Variants in CUL2 observed in about 807,000 individuals in gnomAD.
CUL2 encodes the protein cullin-2.
Under a neutral mutation model 110.2 loss-of-function variants are expected in CUL2, and 22 were observed. The observed-to-expected ratio is 0.20, with a 90% CI of 0.14 to 0.28. The LOEUF (loss-of-function observed/expected upper bound fraction) is 0.28, where lower values mean the gene tolerates loss of function less well. Among genes scored for constraint, CUL2 ranks in the 10% least tolerant of loss-of-function variants. The pLI is 1.00. For missense variants in CUL2, 631 were observed against 905.5 expected (o/e 0.70, Z 3.89); for synonymous variants, 279 against 293.2 (o/e 0.95, Z 0.49).
chr10:35,112,267 T>C (rs2087532591), intron 1 of CUL2, among the ~76,000 whole-genome samples: 1 of 152,246 alleles, frequency 6.6e-6, no homozygotes, highest in Non-Finnish European at 1.5e-5. Context: ...ACTGGATTTA[T>C]CCTTCTGCCT....
At chr10:35,079,080 G>A (rs997059722) in intron 1 of CUL2, among the ~76,000 whole-genome samples, 10 of 152,114 alleles carry the variant, frequency 6.6e-5, no homozygotes, top group Non-Finnish European at 1.2e-4. Context: ...AGGAATGCCC[G>A]AAACTATGTT....
At chr10:35,091,008 G>T (rs917640230), upstream of CUL2, among the ~76,000 whole-genome samples, 1 of 152,116 alleles carries the variant, frequency 6.6e-6, no homozygotes, top group African/African-American at 2.4e-5. Context: ...TTTATCTACA[G>T]AGAATTTCTT....
At chr10:35,022,224 A>T (rs764475413) in intron 17 of CUL2, among the ~76,000 whole-genome samples, 1 of 152,234 alleles carries the variant, frequency 6.6e-6, no homozygotes, top group Non-Finnish European at 1.5e-5. Context: ...AAAGAGAAGG[A>T]AACAGGCTCA....
rs185072391 is a variant in CUL2, at chr10:35,030,752, G to T, written c.1386+548C>A. Among the ~76,000 whole-genome samples the T allele has an allele frequency of 2.0e-5, 3 of 152,222 alleles. No homozygotes were observed. The East Asian group carries it at 5.8e-4, about 29-fold the overall frequency. On this transcript the variant is annotated intron_variant, in intron 14 of 20. Transcript: ENST00000374749. The stretch of plus-strand genomic sequence containing the variant: ...TTAAAAAAGAGCACACAGCAACTGG[G>T]TGCAGTGGTGCACACCTATTGTCCC...
intron 1 of CUL2, chr10:35,079,529 T>C (rs1169757881): frequency 6.6e-6 from 1 of 152,668 alleles, no homozygotes; most frequent in Non-Finnish European, 1.5e-5. Flanking sequence ...ACCAGTGTAA[T>C]GCCTTTTCCA....
upstream of CUL2, among the ~76,000 whole-genome samples, chr10:35,092,353 C>A (rs2087224007): frequency 6.6e-6 from 1 of 152,240 alleles, no homozygotes; most frequent in Non-Finnish European, 1.5e-5. Flanking sequence ...GTGCCACCAA[C>A]CTGTCCGGGT....
chr10:35,033,199 A>G lies in CUL2; in HGVS notation c.1077T>C (p.Asn359=). 2.5e-6 allele frequency: 4 copies of G among 1,613,634 alleles called. No homozygotes were observed. Among genetic ancestry groups the G allele is most frequent in the Non-Finnish European group, 2.5e-6 (3 of 1,179,756 alleles). The change falls in exon 11 of 21, where the codon AAT becomes AAC. Residue 359 remains asparagine (N), a synonymous_variant. Transcript: ENST00000374749. The part of the protein sequence containing the change: ...KFVQLINTVL[N]GDQHFMSALD... ...ACGCACTCATAAAATGCTGATCACC[A>G]TTCAAAACAGTGTTGATAAGCTGAA...
intron 1 of CUL2, among the ~76,000 whole-genome samples, chr10:35,124,011 T>C (rs1487533533): frequency 6.6e-6 from 1 of 152,160 alleles, no homozygotes; most frequent in Non-Finnish European, 1.5e-5. Context: ...CCAAGTATCA[T>C]GAAAATTCAG....
At chr10:35,073,693 T>C (rs2086742696) in intron 1 of CUL2, among the ~76,000 whole-genome samples, 2 of 151,636 alleles carry the variant, frequency 1.3e-5, no homozygotes, top group Admixed American at 1.3e-4. Flanking sequence ...CAACCTCTGC[T>C]TCCTGGGTTG....
intron 1 of CUL2, chr10:35,120,441 C>T (rs11592567): frequency 0.29 from 44,525 of 151,976 alleles, 7,057 homozygotes; most frequent in South Asian, 0.35. Context: ...GTTTTCTAGT[C>T]TCTGTTATAA....
At chr10:35,038,384 G>C (rs2085685232) in intron 9 of CUL2, among the ~76,000 whole-genome samples, 1 of 151,120 alleles carries the variant, frequency 6.6e-6, no homozygotes, top group Non-Finnish European at 1.5e-5. Flanking sequence ...AAATTAGCCA[G>C]GTGTGGTGAT....
chr10:35,018,209 C>A (rs1365860623), intron 17 of CUL2, among the ~76,000 whole-genome samples: 1 of 137,170 alleles, frequency 7.3e-6, no homozygotes, highest in Non-Finnish European at 1.5e-5. Context: ...ATGGCGTGAA[C>A]CCGGGAGGCG....
At chr10:35,022,151 C>T (rs987403174) in intron 17 of CUL2, among the ~76,000 whole-genome samples, 2 of 151,970 alleles carry the variant, frequency 1.3e-5, no homozygotes, top group African/African-American at 4.8e-5. Context: ...GTCCACTTGG[C>T]GTTTAGAAGT....
intron 1 of CUL2, chr10:35,074,207 G>A (rs770434536): frequency 3.9e-6 from 6 of 1,535,234 alleles, no homozygotes; most frequent in South Asian, 1.2e-5. Context: ...CCAAAAAGTT[G>A]ACCATGTTAC....
chr10:35,068,219 C>T (rs548444232), intron 2 of CUL2, among the ~76,000 whole-genome samples: 14 of 151,516 alleles, frequency 9.2e-5, no homozygotes, highest in Non-Finnish European at 1.9e-4. Context: ...CCCAGGGGTT[C>T]GAGACCAGCT....
At chr10:35,029,012 G>T in intron 15 of CUL2, 125 bp from the exon 16 acceptor site, 1 of 608,110 alleles carries the variant, frequency 1.6e-6, no homozygotes. Flanking sequence ...GATGAAATCT[G>T]AGTATTTCTA....
At chr10:35,010,889 A>G (rs1181180465) in intron 20 of CUL2, among the ~76,000 whole-genome samples, 3 of 152,210 alleles carry the variant, frequency 2.0e-5, no homozygotes, top group Non-Finnish European at 2.9e-5. Flanking sequence ...AAAGCCTGCC[A>G]TATCTTCAGC....
At chr10:35,047,610 A>T (rs886713010) in intron 6 of CUL2, among the ~76,000 whole-genome samples, 1 of 150,442 alleles carries the variant, frequency 6.6e-6, no homozygotes, top group African/African-American at 2.4e-5. Context: ...ACTGTCTCAA[A>T]AAAAAAAAAA....
At chr10:35,094,833 T>A (rs958560495), upstream of CUL2, among the ~76,000 whole-genome samples, 2 of 152,164 alleles carry the variant, frequency 1.3e-5, no homozygotes, top group African/African-American at 2.4e-5. Flanking sequence ...GAAAAAAAAA[T>A]TCTTTCTGGG....
Sources: allele counts gnomAD v4.1 joint callset (sites outside exome capture counted in the v4.1 genomes callset), GRCh38; gene constraint gnomAD v4.1.1; transcripts MANE v1.5; gene names NCBI Gene and HGNC (gene_info 2026-07-23, HGNC 2026-07-21).